Variants in PARG observed in about 807,000 individuals in gnomAD.
PARG encodes the protein poly(ADP-ribose) glycohydrolase, also known as mitochondrial poly(ADP-ribose) glycohydrolase.
PARG carries 35 observed loss-of-function variants against 113.0 expected under a neutral mutation model. The observed-to-expected ratio is 0.31, with a 90% confidence interval of 0.24 to 0.41. PARG has a LOEUF of 0.41. Among genes scored for constraint, PARG ranks in the 10% least tolerant of loss-of-function variants. The pLI is 1.00. For synonymous variants in PARG, 330 were observed against 409.9 expected, an observed-to-expected ratio of 0.81 and a Z score of 2.36; for missense variants, 797 against 1,169.4, an observed-to-expected ratio of 0.68 and a Z score of 4.64.
intron 15 of PARG, among the ~76,000 whole-genome samples, chr10:49,839,379 A>C (rs1381233410): frequency 3.3e-5 from 5 of 152,152 alleles, no homozygotes; most frequent in African/African-American, 1.2e-4. Flanking sequence ...AAGTCATTTA[A>C]CAAAATATTT....
chr10:49,914,119 TAAG>T (rs1837339363), intron 7 of PARG, among the ~76,000 whole-genome samples: 1 of 152,136 alleles, frequency 6.6e-6, no homozygotes, highest in East Asian at 1.9e-4. Flanking sequence ...GTATTCTGAT[TAAG>T]AAGAGAGAAA....
At chr10:49,894,505 ATAGTTTT>A (rs1847980681) in intron 7 of PARG, among the ~76,000 whole-genome samples, 1 of 152,070 alleles carries the variant, frequency 6.6e-6, no homozygotes. Flanking sequence ...TAGAAGCTTT[ATAGTTTT>A]TGCTTTTTCA....
chr10:49,928,059 T>C (rs1357324982), intron 4 of PARG, among the ~76,000 whole-genome samples: 1 of 150,444 alleles, frequency 6.6e-6, no homozygotes, highest in Non-Finnish European at 1.5e-5. Context: ...TCACCTGAGG[T>C]CAGGAGTTTA....
chr10:49,902,135 A>C (rs1848372763), intron 7 of PARG, among the ~76,000 whole-genome samples: 1 of 152,256 alleles, frequency 6.6e-6, no homozygotes, highest in Non-Finnish European at 1.5e-5. Flanking sequence ...TCACCAGGGC[A>C]ACTGAAAGAA....
At chr10:49,892,878 T>A (rs1847878645) in intron 7 of PARG, among the ~76,000 whole-genome samples, 1 of 152,174 alleles carries the variant, frequency 6.6e-6, no homozygotes, top group Admixed American at 6.5e-5. Context: ...GGTCAGGAGT[T>A]CAAGACCAGC....
intron 1 of PARG, among the ~76,000 whole-genome samples, chr10:49,938,843 T>A (rs1477691556): frequency 2.0e-5 from 3 of 152,078 alleles, no homozygotes; most frequent in Non-Finnish European, 2.9e-5. Flanking sequence ...CCTAAGATAA[T>A]TATATATAAA....
intron 6 of PARG, among the ~76,000 whole-genome samples, chr10:49,921,175 C>A (rs535744545): frequency 6.6e-6 from 1 of 152,112 alleles, no homozygotes; most frequent in East Asian, 1.9e-4. Flanking sequence ...AATTACTGAT[C>A]CCCCATCTAC....
At chr10:49,907,455 T>C (rs2132789194) in intron 7 of PARG, among the ~76,000 whole-genome samples, 1 of 152,266 alleles carries the variant, frequency 6.6e-6, no homozygotes, top group South Asian at 2.1e-4. Context: ...AAAGGACCAA[T>C]GGACCTATTT....
chr10:49,862,239 A>G (rs1220066433), intron 11 of PARG, among the ~76,000 whole-genome samples: 1 of 152,026 alleles, frequency 6.6e-6, no homozygotes, highest in East Asian at 1.9e-4. Context: ...AACCATGGCC[A>G]CTGAGGTATT....
intron 11 of PARG, among the ~76,000 whole-genome samples, chr10:49,863,090 T>C (rs1846332021): frequency 6.6e-6 from 1 of 151,438 alleles, no homozygotes. Context: ...ATTTTCTAAC[T>C]TCCCAGTAGG....
chr10:49,930,646 G>C (rs1838436405), intron 4 of PARG, among the ~76,000 whole-genome samples: 1 of 151,606 alleles, frequency 6.6e-6, no homozygotes, highest in Non-Finnish European at 1.5e-5. Flanking sequence ...CTTACTAACT[G>C]CACCTCAGAA....
intron 16 of PARG, among the ~76,000 whole-genome samples, chr10:49,831,672 C>G (rs1328785918): frequency 6.6e-6 from 1 of 152,154 alleles, no homozygotes; most frequent in Non-Finnish European, 1.5e-5. Flanking sequence ...GGTGTACACG[C>G]TGATGTGCCA....
At position 49,914,423 on chromosome 10, in the gene PARG, T is replaced by A. The variant is rs554047313; in HGVS notation, c.1737+1494A>T. Among the ~76,000 whole-genome samples, 268 of 152,314 alleles carry A rather than the reference T, an allele frequency of 1.8e-3. 5 individuals carry two copies. The highest frequency in any genetic ancestry group is 0.013 in the Admixed American group (199 of 15,302). ...GATATCCAATTTCCAGACACAAGGA[T>A]AAGTCTTCCATTATTTATGCCTGCC... On this transcript the variant is annotated intron_variant, in intron 7 of 17. Coordinates refer to ENST00000616448, the MANE Select transcript of PARG (RefSeq NM_003631.5).
intron 6 of PARG, among the ~76,000 whole-genome samples, chr10:49,919,561 G>A (rs1837683823): frequency 1.3e-5 from 2 of 152,068 alleles, no homozygotes; most frequent in South Asian, 4.2e-4. Context: ...TTACATGCCT[G>A]TAATCCCAGT....
At chr10:49,920,666 T>C (rs1837821198) in intron 6 of PARG, among the ~76,000 whole-genome samples, 1 of 150,192 alleles carries the variant, frequency 6.7e-6, no homozygotes, top group African/African-American at 2.4e-5. Flanking sequence ...ATATGGAGTT[T>C]ATATTTAGTT....
At chr10:49,866,284 C>T (rs1214606900) in intron 10 of PARG, among the ~76,000 whole-genome samples, 1 of 151,788 alleles carries the variant, frequency 6.6e-6, no homozygotes, top group African/African-American at 2.4e-5. Context: ...AGAGAGATGT[C>T]AGGAACTATT....
At chr10:49,907,925 G>A (rs1554845387) in intron 7 of PARG, among the ~76,000 whole-genome samples, 1 of 152,124 alleles carries the variant, frequency 6.6e-6, no homozygotes, top group African/African-American at 2.4e-5. Context: ...AACTTCTACT[G>A]CTATTTGACC....
chr10:49,870,345 G>C (rs1484982564), intron 9 of PARG, among the ~76,000 whole-genome samples: 2 of 151,698 alleles, frequency 1.3e-5, no homozygotes, highest in Non-Finnish European at 2.9e-5. Flanking sequence ...GCAGCACCCT[G>C]ATCTGCAGCT....
rs112926168 is a variant in PARG at position 49,835,833 on chromosome 10, T to C, written c.2542-2925A>G. 3.8e-3 allele frequency among the ~76,000 whole-genome samples: 584 copies of C among 152,192 alleles called. 7 individuals are homozygous for C. The highest frequency in any genetic ancestry group is 0.014 in the African/African-American group (564 of 41,548). On this transcript the variant is annotated intron_variant, in intron 15 of 17. Transcript: ENST00000616448. ...GACAGTTACGTGCCGCATAGTGATG[T>C]TGCAGTCAACAACGAAGCACAAACG...
Sources: gnomAD v4.1 joint callset for allele counts (sites outside exome capture counted in the v4.1 genomes callset) on GRCh38, gnomAD v4.1.1 for gene constraint, MANE v1.5 for transcripts, NCBI Gene and HGNC (gene_info 2026-07-23, HGNC 2026-07-21) for gene names.